Variants in CRY1 observed in about 807,000 individuals in gnomAD.
CRY1 encodes cryptochrome circadian regulator 1, also known as cryptochrome-1.
CRY1 carries 45 observed loss-of-function variants against 76.0 expected under a neutral mutation model. That is an observed-to-expected ratio of 0.59 (90% CI 0.47 to 0.76). CRY1 has a LOEUF of 0.76. Among genes scored for constraint, CRY1 ranks in the 30% least tolerant of loss-of-function variants. CRY1 has a pLI of 0.00. For missense variants in CRY1, 587 were observed against 716.4 expected, an observed-to-expected ratio of 0.82 and a Z score of 2.06; for synonymous variants, 248 against 244.0, an observed-to-expected ratio of 1.02 and a Z score of -0.15.
chr12:107,056,171 A>G (rs1230812821), intron 1 of CRY1, among the ~76,000 whole-genome samples: 1 of 152,210 alleles, frequency 6.6e-6, no homozygotes, highest in South Asian at 2.1e-4. Context: ...CTCAAGACAG[A>G]GAGTCTAAGA....
Position 107,092,728 on chromosome 12 carries a change from T to C in CRY1, c.158+76A>G. The C allele has an allele frequency of 1.9e-6, 3 of 1,574,630 alleles. No homozygotes were observed. The Admixed American group carries it at 5.5e-5, about 29-fold the overall frequency. The stretch of plus-strand genomic sequence containing the variant: ...AGTCCCACGTCTAAATTCACAGATT[T>C]GGCGGATCGCATGGAATTCATTAAC... On this transcript the variant is annotated intron_variant, in intron 1 of 12. Coordinates refer to ENST00000008527, the MANE Select transcript of CRY1 (RefSeq NM_004075.5).
intron 1 of CRY1, among the ~76,000 whole-genome samples, chr12:107,076,947 G>A (rs1412766854): frequency 6.6e-6 from 1 of 152,094 alleles, no homozygotes; most frequent in East Asian, 1.9e-4. Flanking sequence ...CACCATGATT[G>A]TAACCTTCCT....
intron 5 of CRY1, 134 bp from the exon 6 acceptor site, chr12:107,000,216 T>G (rs1460001312): frequency 3.4e-6 from 3 of 877,870 alleles, no homozygotes; most frequent in African/African-American, 3.5e-5. Flanking sequence ...ACAAATTACA[T>G]GTTTTAATAA....
chr12:107,029,730 G>C (rs1040017852), intron 1 of CRY1, among the ~76,000 whole-genome samples: 2 of 151,808 alleles, frequency 1.3e-5, no homozygotes, highest in Non-Finnish European at 2.9e-5. Flanking sequence ...TGATTTATGA[G>C]TCATACAAAG....
intron 1 of CRY1, among the ~76,000 whole-genome samples, chr12:107,081,555 A>G (rs1402584771): frequency 6.6e-6 from 1 of 151,994 alleles, no homozygotes; most frequent in Non-Finnish European, 1.5e-5. Context: ...TAGGGCAGCA[A>G]CTTTTTCTGT....
chr12:107,038,155 G>A (rs1355206135), intron 1 of CRY1, among the ~76,000 whole-genome samples: 4 of 152,194 alleles, frequency 2.6e-5, no homozygotes, highest in African/African-American at 9.7e-5. Context: ...TGGTAATGGT[G>A]AAAATGGTAA....
At position 106,992,896 on chromosome 12, in the gene CRY1, C is replaced by T. The variant is rs1016996599; in HGVS notation, c.1658-6G>A. On this transcript the variant is annotated splice_region_variant and splice_polypyrimidine_tract_variant and intron_variant, in intron 11 of 12. Transcript: ENST00000008527. The stretch of plus-strand genomic sequence containing the variant: ...AGTGCCCATGGAGCTTCTTCCTGCA[C>T]ATTTAAAAAATGTATGTTTAAGATA... 1 of 1,613,856 alleles carries T rather than the reference C, an allele frequency of 6.2e-7. No homozygotes were observed. Among genetic ancestry groups the T allele is most frequent in the East Asian group, 2.2e-5 (1 of 44,866 alleles).
At chr12:107,064,051 C>T (rs1646335720) in intron 1 of CRY1, among the ~76,000 whole-genome samples, 2 of 151,916 alleles carry the variant, frequency 1.3e-5, no homozygotes, top group Admixed American at 1.3e-4. Flanking sequence ...TTTAAGTTCC[C>T]TGAATGGATT....
chr12:107,029,179 G>GTGCA (rs148870343), intron 1 of CRY1, among the ~76,000 whole-genome samples: 1,888 of 152,130 alleles, frequency 0.012, 32 homozygotes, highest in African/African-American at 0.043. Flanking sequence ...TCAGGACTAC[G>GTGCA]TGCATGCACA....
rs1301498317 is a variant in CRY1, at chr12:107,038,594, C to A, written c.159-16402G>T. ...AACGAAGACTAACGGAATATAAAAGCAAGAATGGATAAAGACAGATGGAAA... is the reference window on the plus strand; with the variant it reads ...AACGAAGACTAACGGAATATAAAAGAAAGAATGGATAAAGACAGATGGAAA... On this transcript the variant is annotated intron_variant, in intron 1 of 12. Transcript: ENST00000008527. Among the ~76,000 whole-genome samples the A allele has an allele frequency of 3.9e-5, 6 of 152,034 alleles. No individual in the cohort carries two copies. The South Asian group carries it at 1.0e-3, about 26-fold the overall frequency.
chr12:107,069,613 A>AAAAGTATATATATAT (rs1953158415), intron 1 of CRY1, among the ~76,000 whole-genome samples: 1 of 75,326 alleles, frequency 1.3e-5, no homozygotes, highest in Non-Finnish European at 2.7e-5. Context: ...TATATATATA[A>AAAAGTATATATATAT]AAAGTATATA....
At chr12:107,059,007 C>T (rs11113179) in intron 1 of CRY1, among the ~76,000 whole-genome samples, 13,797 of 152,218 alleles carry the variant, frequency 0.091, 937 homozygotes, top group Admixed American at 0.22. Context: ...ATTTCCTCAT[C>T]TAATAAGTGG....
intron 1 of CRY1, among the ~76,000 whole-genome samples, chr12:107,048,906 T>G (rs1952881813): frequency 6.6e-6 from 1 of 152,242 alleles, no homozygotes; most frequent in Admixed American, 6.5e-5. Flanking sequence ...TCCTCCTGGT[T>G]TCAGTCATTT....
intron 1 of CRY1, among the ~76,000 whole-genome samples, chr12:107,088,659 G>GTTGTT (rs1399204054): frequency 6.6e-6 from 1 of 152,188 alleles, no homozygotes; most frequent in African/African-American, 2.4e-5. Context: ...AAACTACCTA[G>GTTGTT]TCTAAAGGTA....
chr12:107,018,582 C>T (rs184852667), intron 2 of CRY1, among the ~76,000 whole-genome samples: 83 of 151,736 alleles, frequency 5.5e-4, no homozygotes, highest in Non-Finnish European at 1.1e-3. Flanking sequence ...GCAAGACTCT[C>T]TCTCAAAAAA....
chr12:107,082,266 C>A (rs1953335835), intron 1 of CRY1, among the ~76,000 whole-genome samples: 1 of 151,794 alleles, frequency 6.6e-6, no homozygotes, highest in African/African-American at 2.4e-5. Context: ...ACTTTAACAC[C>A]CCACTGTCAA....
intron 1 of CRY1, among the ~76,000 whole-genome samples, chr12:107,081,445 TA>T (rs1374771098): frequency 6.6e-6 from 1 of 152,050 alleles, no homozygotes; most frequent in Non-Finnish European, 1.5e-5. Context: ...CCTCTTCCTT[TA>T]GGTCCCTGTT....
intron 1 of CRY1, among the ~76,000 whole-genome samples, chr12:107,045,283 T>G (rs1952837048): frequency 6.6e-6 from 1 of 152,032 alleles, no homozygotes; most frequent in Non-Finnish European, 1.5e-5. Context: ...AAAGATATCC[T>G]TCAGAAACAA....
intron 1 of CRY1, among the ~76,000 whole-genome samples, chr12:107,088,663 A>G (rs576427356): frequency 5.3e-5 from 8 of 152,352 alleles, no homozygotes; most frequent in African/African-American, 1.9e-4. Flanking sequence ...TACCTAGTCT[A>G]AAGGTATTTT....
Sources: allele counts gnomAD v4.1 joint callset (sites outside exome capture counted in the v4.1 genomes callset), GRCh38; gene constraint gnomAD v4.1.1; transcripts MANE v1.5; gene names NCBI Gene and HGNC (gene_info 2026-07-23, HGNC 2026-07-21).